Variants in HSPBAP1 observed in about 807,000 individuals in gnomAD.
HSPBAP1 encodes HSPB1-associated protein 1.
Under a neutral mutation model 45.2 loss-of-function variants are expected in HSPBAP1, and 27 were observed. The ratio of observed to expected loss-of-function variants is 0.60; its 90% CI spans 0.44 to 0.82. The LOEUF is 0.82. Ranked by LOEUF, HSPBAP1 falls within the 40% of genes least tolerant of loss-of-function variation. HSPBAP1 has a pLI of 0.00. For missense variants in HSPBAP1, 510 were observed against 590.9 expected (o/e 0.86, Z 1.42); for synonymous variants, 204 against 202.7 (o/e 1.01, Z -0.06).
At chr3:122,774,403 T>C (rs1293067870) in intron 2 of HSPBAP1, among the ~76,000 whole-genome samples, 1 of 152,048 alleles carries the variant, frequency 6.6e-6, no homozygotes, top group Non-Finnish European at 1.5e-5. Context: ...GGGAACTACA[T>C]ACACATGCAA....
intron 3 of HSPBAP1, among the ~76,000 whole-genome samples, chr3:122,762,952 G>T (rs375223004): frequency 6.6e-6 from 1 of 152,132 alleles, no homozygotes; most frequent in South Asian, 2.1e-4. Flanking sequence ...AGAGACAGAG[G>T]TATTGAAATC....
At chr3:122,744,116 A>C (rs1288694385) in intron 6 of HSPBAP1, among the ~76,000 whole-genome samples, 1 of 152,190 alleles carries the variant, frequency 6.6e-6, no homozygotes, top group African/African-American at 2.4e-5. Context: ...ATATGTATAA[A>C]TATAACAAAA....
chr3:122,754,790 T>C (rs936002502), intron 5 of HSPBAP1: 7 of 986,042 alleles, frequency 7.1e-6, no homozygotes, highest in East Asian at 1.1e-4. Flanking sequence ...GAAAACAACA[T>C]CCATTTTTGC....
chr3:122,782,982 C>T (rs1244282478), intron 1 of HSPBAP1, among the ~76,000 whole-genome samples: 1 of 152,098 alleles, frequency 6.6e-6, no homozygotes, highest in Non-Finnish European at 1.5e-5. Flanking sequence ...GGCTCTAAGC[C>T]CTTGGCAGCT....
chr3:122,786,510 C>T (rs1006610004), intron 1 of HSPBAP1: 9 of 151,980 alleles, frequency 5.9e-5, no homozygotes, highest in Admixed American at 1.3e-4. Context: ...TGGACACAGG[C>T]GACAGTAACA....
intron 5 of HSPBAP1, chr3:122,754,691 A>G (rs1934279089): frequency 1.0e-6 from 1 of 985,248 alleles, no homozygotes; most frequent in African/African-American, 1.7e-5. Context: ...ATCAGACAGC[A>G]AGTGCCAATG....
At chr3:122,788,267 C>A (rs1478122204) in intron 1 of HSPBAP1, among the ~76,000 whole-genome samples, 2 of 152,018 alleles carry the variant, frequency 1.3e-5, no homozygotes, top group Non-Finnish European at 2.9e-5. Context: ...TAGTCTCAAA[C>A]CAAAGCAAGA....
At chr3:122,776,831 A>G (rs985612394) in intron 2 of HSPBAP1, among the ~76,000 whole-genome samples, 2 of 152,248 alleles carry the variant, frequency 1.3e-5, no homozygotes, top group African/African-American at 4.8e-5. Context: ...TCTGTCAGCT[A>G]TACTACAAGG....
At chr3:122,769,749 G>A (rs920151340) in intron 2 of HSPBAP1, among the ~76,000 whole-genome samples, 2 of 152,148 alleles carry the variant, frequency 1.3e-5, no homozygotes, top group African/African-American at 2.4e-5. Context: ...GTGCAATCTC[G>A]GCTCACTGCA....
intron 6 of HSPBAP1, among the ~76,000 whole-genome samples, chr3:122,744,740 T>C (rs1013056527): frequency 6.6e-6 from 1 of 152,232 alleles, no homozygotes; most frequent in African/African-American, 2.4e-5. Flanking sequence ...AAATAGTATA[T>C]AATAAGCCTT....
chr3:122,783,678 A>T (rs982352189), intron 1 of HSPBAP1, among the ~76,000 whole-genome samples: 3 of 152,220 alleles, frequency 2.0e-5, no homozygotes, highest in African/African-American at 7.2e-5. Context: ...GACAAGACAA[A>T]GAAGTTGGGT....
chr3:122,767,083 C>A (rs1005367314), intron 3 of HSPBAP1, among the ~76,000 whole-genome samples: 1 of 152,092 alleles, frequency 6.6e-6, no homozygotes, highest in East Asian at 1.9e-4. Flanking sequence ...AAAGTGATCA[C>A]AATTAAGGTT....
At chr3:122,746,732 C>A (rs112352055) in intron 6 of HSPBAP1, among the ~76,000 whole-genome samples, 1 of 151,746 alleles carries the variant, frequency 6.6e-6, no homozygotes, top group African/African-American at 2.4e-5. Context: ...GCTGCCATCT[C>A]GGCTCACTGC....
chr3:122,759,254 C>T lies in HSPBAP1; in HGVS notation c.539G>A (p.Gly180Asp), dbSNP rs751458603. Residue 180 changes from glycine (G) to aspartate (D), a missense_variant, in exon 4 of 8, where the codon GGT (glycine) becomes GAT (aspartate). Coordinates refer to ENST00000306103, the MANE Select transcript of HSPBAP1 (RefSeq NM_024610.6). Reference protein sequence around the residue: ...AHTPCHLDSYGCNLVFQVQGR... With the variant: ...AHTPCHLDSYDCNLVFQVQGR... Reference sequence around the variant, plus strand: ...TTGTACCTGGAATACCAAGTTACAACCATAGGAGTCCAGATGACAGGGTGT... The same window carrying T: ...TTGTACCTGGAATACCAAGTTACAATCATAGGAGTCCAGATGACAGGGTGT... 1.9e-6 allele frequency: 3 copies of T among 1,612,074 alleles called. No individual in the cohort carries two copies. Among genetic ancestry groups the T allele is most frequent in the African/African-American group, 1.3e-5 (1 of 74,792 alleles).
intron 3 of HSPBAP1, among the ~76,000 whole-genome samples, chr3:122,766,091 A>T (rs537318886): frequency 3.6e-4 from 55 of 152,384 alleles, no homozygotes; most frequent in African/African-American, 1.3e-3. Flanking sequence ...GTCTTCTTAC[A>T]GCCAGACATC....
At chr3:122,755,030 T>C (rs777135633) in intron 5 of HSPBAP1, 30 of 1,192,024 alleles carry the variant, frequency 2.5e-5, no homozygotes, top group Non-Finnish European at 3.1e-5. Flanking sequence ...TCTTTACCAA[T>C]AGGAGGAGCT....
chr3:122,778,662 A>T (rs1935282194), intron 1 of HSPBAP1, among the ~76,000 whole-genome samples: 1 of 151,708 alleles, frequency 6.6e-6, no homozygotes, highest in Non-Finnish European at 1.5e-5. Context: ...CCCAAGTAGC[A>T]GGGACTACAG....
Position 122,752,669 on chromosome 3 carries a change from G to T in HSPBAP1, c.747C>A (p.Leu249=), listed in dbSNP as rs761174048. The T allele has an allele frequency of 1.9e-6, 3 of 1,605,704 alleles. No homozygotes were observed. The highest frequency in any genetic ancestry group is 2.5e-6 in the Non-Finnish European group (3 of 1,176,576). ...AATGCCACCAGTGTCTGGGAACAAA[G>T]AGAACCTGAAAACCAAACAAAGAAT... is the stretch of plus-strand genomic sequence containing the variant. ...HAVTLSPGQV[L]FVPRHWWHYV... The change falls in exon 6 of 8, where the codon CTC becomes CTA. Residue 249 remains leucine (L), a synonymous_variant. Coordinates refer to ENST00000306103, the MANE Select transcript of HSPBAP1 (RefSeq NM_024610.6).
intron 6 of HSPBAP1, among the ~76,000 whole-genome samples, chr3:122,749,913 TTTG>T (rs909608387): frequency 6.6e-6 from 1 of 151,582 alleles, no homozygotes; most frequent in Non-Finnish European, 1.5e-5. Context: ...CCCGGCCAAA[TTTG>T]ATATCTTAAA....
Sources: allele counts gnomAD v4.1 joint callset (sites outside exome capture counted in the v4.1 genomes callset), GRCh38; gene constraint gnomAD v4.1.1; transcripts MANE v1.5; gene names NCBI Gene and HGNC (gene_info 2026-07-23, HGNC 2026-07-21).